CADPS2: variants seen among roughly 807,000 people sequenced by gnomAD.
The protein encoded by CADPS2 is calcium-dependent secretion activator 2.
CADPS2 carries 93 observed loss-of-function variants against 172.5 expected under a neutral mutation model. That is an observed-to-expected ratio of 0.54 (90% CI 0.46 to 0.64). CADPS2 has a LOEUF of 0.64. CADPS2 is among the 30% of genes least tolerant of loss of function. The pLI is 0.00. For missense variants in CADPS2, 1,420 were observed against 1,565.9 expected (o/e 0.91, Z 1.57); for synonymous variants, 546 against 555.2 (o/e 0.98, Z 0.23).
At chr7:122,499,762 T>C (rs1241039513) in intron 9 of CADPS2, among the ~76,000 whole-genome samples, 1 of 152,180 alleles carries the variant, frequency 6.6e-6, no homozygotes, top group Non-Finnish European at 1.5e-5. Context: ...TAAGTTATAA[T>C]TATTCAACAC....
At chr7:122,782,935 T>C (rs556122251) in intron 1 of CADPS2, among the ~76,000 whole-genome samples, 5 of 152,320 alleles carry the variant, frequency 3.3e-5, no homozygotes, top group African/African-American at 9.6e-5. Context: ...CATTTTGCAT[T>C]TCCCAGTATT....
At chr7:122,572,537 C>T (rs142180379) in intron 7 of CADPS2, among the ~76,000 whole-genome samples, 2 of 151,862 alleles carry the variant, frequency 1.3e-5, no homozygotes, top group African/African-American at 4.8e-5. Context: ...TTTGGCAAAC[C>T]CTCCAAAAAT....
intron 2 of CADPS2, among the ~76,000 whole-genome samples, chr7:122,692,649 TGG>T (rs2084539621): frequency 6.6e-6 from 1 of 152,234 alleles, no homozygotes; most frequent in Admixed American, 6.5e-5. Context: ...TCACCTCATC[TGG>T]CCAACTATGC....
intron 17 of CADPS2, among the ~76,000 whole-genome samples, chr7:122,432,995 A>G (rs1310012964): frequency 6.6e-6 from 1 of 152,026 alleles, no homozygotes; most frequent in East Asian, 1.9e-4. Context: ...TTTTTTGGAG[A>G]CAGGGTCTCC....
intron 1 of CADPS2, among the ~76,000 whole-genome samples, chr7:122,878,195 G>A (rs1048652543): frequency 2.0e-5 from 3 of 150,946 alleles, no homozygotes; most frequent in Non-Finnish European, 2.9e-5. Context: ...GGGAGGTGGA[G>A]GTTGCAGTGA....
chr7:122,669,761 T>G (rs1254747689), intron 2 of CADPS2, among the ~76,000 whole-genome samples: 2 of 151,970 alleles, frequency 1.3e-5, no homozygotes, highest in Non-Finnish European at 2.9e-5. Context: ...CCATCAACCT[T>G]TAATCACTTA....
At position 122,794,281 on chromosome 7, in the gene CADPS2, C is replaced by T. The variant is rs143411687; in HGVS notation, c.340-57213G>A. On this transcript the variant is annotated intron_variant, in intron 1 of 29. Coordinates refer to ENST00000449022, the MANE Select transcript of CADPS2 (RefSeq NM_017954.11). ...TCTCCTTATATAATCCCATATTTCT[C>T]GGAGGTTTTGTTCATTTCCTTCTCA... Among the ~76,000 whole-genome samples the T allele has an allele frequency of 1.1e-3, 170 of 151,920 alleles. 1 individual carries two copies. The highest frequency in any genetic ancestry group is 3.8e-3 in the African/African-American group (158 of 41,458).
intron 6 of CADPS2, among the ~76,000 whole-genome samples, chr7:122,614,582 G>C (rs1404101548): frequency 6.6e-6 from 1 of 152,182 alleles, no homozygotes; most frequent in African/African-American, 2.4e-5. Flanking sequence ...TTCTACTAGA[G>C]ACCATGATGG....
chr7:122,782,084 A>G (rs1792879779), intron 1 of CADPS2, among the ~76,000 whole-genome samples: 1 of 152,164 alleles, frequency 6.6e-6, no homozygotes, highest in African/African-American at 2.4e-5. Flanking sequence ...TATTATTCTA[A>G]ATAATTATTT....
chr7:122,762,336 T>A (rs1283608157), intron 1 of CADPS2, among the ~76,000 whole-genome samples: 2 of 151,930 alleles, frequency 1.3e-5, no homozygotes, highest in Admixed American at 1.3e-4. Flanking sequence ...AAGCAAGTCA[T>A]TAACAAATAA....
chr7:122,610,592 C>G (rs1489419831), intron 6 of CADPS2, among the ~76,000 whole-genome samples: 2 of 152,004 alleles, frequency 1.3e-5, no homozygotes, highest in African/African-American at 4.8e-5. Flanking sequence ...ACAGAACTTT[C>G]TGAAGTGATA....
In CADPS2 at chr7:122,491,476, C is replaced by G. The variant is rs548992237; in HGVS notation, c.1543-56G>C. The G allele has an allele frequency of 1.1e-5, 10 of 913,968 alleles. No homozygotes were observed. In the African/African-American group the frequency reaches 1.5e-4, roughly 14 times the overall value. 56.6% of individuals were successfully genotyped at this position (913,968 alleles called of 1,614,324 possible). ...GTCACATTAAATTTACCAAATTTAA[C>G]TTTCGTTTTTTTATCAAAATACTCT... On this transcript the variant is annotated intron_variant, in intron 9 of 29. Transcript: ENST00000449022.
At chr7:122,828,983 A>G (rs1321100165) in intron 1 of CADPS2, among the ~76,000 whole-genome samples, 1 of 152,162 alleles carries the variant, frequency 6.6e-6, no homozygotes, top group African/African-American at 2.4e-5. Context: ...GTTATCTCTT[A>G]TACCATCTTT....
chr7:122,837,167 C>T (rs2140822472), intron 1 of CADPS2, among the ~76,000 whole-genome samples: 1 of 152,300 alleles, frequency 6.6e-6, no homozygotes, highest in African/African-American at 2.4e-5. Context: ...ACAACCTGCT[C>T]CTGAATGACT....
At chr7:122,769,815 A>G (rs2093657344) in intron 1 of CADPS2, among the ~76,000 whole-genome samples, 2 of 152,102 alleles carry the variant, frequency 1.3e-5, no homozygotes, top group African/African-American at 4.8e-5. Flanking sequence ...TGTGATTTCA[A>G]TTTTCTGAGG....
chr7:122,464,135 C>CTT (rs2054831109), intron 14 of CADPS2, among the ~76,000 whole-genome samples: 2 of 152,104 alleles, frequency 1.3e-5, no homozygotes, highest in Admixed American at 6.6e-5. Flanking sequence ...CTGATTAATT[C>CTT]TTAGGCTAGA....
At chr7:122,682,009 T>C (rs1009882714) in intron 2 of CADPS2, among the ~76,000 whole-genome samples, 1 of 152,174 alleles carries the variant, frequency 6.6e-6, no homozygotes, top group Non-Finnish European at 1.5e-5. Flanking sequence ...GCTTTTTTCT[T>C]CTAATATCAG....
chr7:122,554,390 T>C (rs115119177), intron 8 of CADPS2, among the ~76,000 whole-genome samples, 160 bp downstream of exon 8: 2,318 of 152,272 alleles, frequency 0.015, 59 homozygotes, highest in African/African-American at 0.052. Flanking sequence ...AAGCCGTCTA[T>C]GGGTATAAAA....
At chr7:122,513,435 C>A in intron 8 of CADPS2, 120 bp from the exon 9 acceptor site, 3 of 749,282 alleles carry the variant, frequency 4.0e-6, no homozygotes, top group South Asian at 3.8e-5. Flanking sequence ...CAAAGTTTAG[C>A]TCATTTGGAA....
Sources: gnomAD v4.1 joint callset for allele counts (sites outside exome capture counted in the v4.1 genomes callset) on GRCh38, gnomAD v4.1.1 for gene constraint, MANE v1.5 for transcripts, NCBI Gene and HGNC (gene_info 2026-07-23, HGNC 2026-07-21) for gene names.